The following KAZN variants were observed in gnomAD, a reference collection of about 807,000 sequenced individuals.
The protein encoded by KAZN is kazrin, periplakin interacting protein.
KAZN carries 40 observed loss-of-function variants against 87.4 expected under a neutral mutation model. That is an observed-to-expected ratio of 0.46 (90% CI 0.36 to 0.60). The LOEUF is 0.60. Ranked by LOEUF, KAZN falls within the 20% of genes least tolerant of loss-of-function variation. The probability of loss-of-function intolerance (pLI) is 0.00; values close to 1 mark genes in which losing one functional copy is unlikely to be tolerated. For synonymous variants in KAZN, 466 were observed against 458.3 expected, an observed-to-expected ratio of 1.02 and a Z score of -0.22; for missense variants, 898 against 1,073.9, an observed-to-expected ratio of 0.84 and a Z score of 2.29.
intron 1 of KAZN, among the ~76,000 whole-genome samples, chr1:13,904,852 TC>T (rs930805672): frequency 4.6e-5 from 7 of 152,198 alleles, no homozygotes; most frequent in African/African-American, 1.7e-4. Flanking sequence ...GAACACTGAT[TC>T]CCATTCTTTC....
chr1:14,697,555 TG>T (rs1420643690), intron 1 of KAZN, among the ~76,000 whole-genome samples: 4 of 152,208 alleles, frequency 2.6e-5, no homozygotes, highest in African/African-American at 9.6e-5. Context: ...TCCTCTCTCA[TG>T]GCTCTGTGAT....
chr1:14,449,523 T>G (rs1667153273), intron 2 of KAZN, among the ~76,000 whole-genome samples: 1 of 152,200 alleles, frequency 6.6e-6, no homozygotes, highest in Admixed American at 6.5e-5. Flanking sequence ...AATAGGAATA[T>G]TGTCCTAAAT....
At chr1:14,507,948 C>G (rs1341781592) in intron 2 of KAZN, among the ~76,000 whole-genome samples, 4 of 149,054 alleles carry the variant, frequency 2.7e-5, no homozygotes, top group Non-Finnish European at 4.4e-5. Context: ...GCCTGGGCAA[C>G]AGAGCGAGAC....
At chr1:14,750,616 C>A (rs977243059) in intron 1 of KAZN, among the ~76,000 whole-genome samples, 1 of 146,830 alleles carries the variant, frequency 6.8e-6, no homozygotes, top group South Asian at 2.2e-4. Context: ...AAAAAAAAGA[C>A]CTTTAAAACC....
intron 2 of KAZN, among the ~76,000 whole-genome samples, chr1:15,025,894 G>A (rs1392598965): frequency 2.0e-5 from 3 of 152,180 alleles, no homozygotes; most frequent in Non-Finnish European, 2.9e-5. Flanking sequence ...AGGCCAAGGC[G>A]GGCGGATCAC....
At chr1:14,779,573 G>A (rs768995530) in intron 1 of KAZN, among the ~76,000 whole-genome samples, 1 of 152,218 alleles carries the variant, frequency 6.6e-6, no homozygotes, top group Non-Finnish European at 1.5e-5. Flanking sequence ...CTAAACAAAT[G>A]AGATGTAGGT....
At chr1:14,869,149 C>T (rs887658363) in intron 1 of KAZN, among the ~76,000 whole-genome samples, 12 of 152,184 alleles carry the variant, frequency 7.9e-5, no homozygotes, top group Non-Finnish European at 1.2e-4. Flanking sequence ...AGGTTGGGAT[C>T]GAAGTTTAGT....
Position 14,311,749 on chromosome 1 carries a change from A to T in KAZN, c.249+131157A>T, listed in dbSNP as rs555378043. ...GGATGGATGGATGGATGGAAGGATGAATGGATAAATGGATGGGTGGATGGA... is the reference window on the plus strand; with the variant it reads ...GGATGGATGGATGGATGGAAGGATGTATGGATAAATGGATGGGTGGATGGA... On this transcript the variant is annotated intron_variant, in intron 2 of 16. Transcript: ENST00000636203. 3.9e-5 allele frequency among the ~76,000 whole-genome samples: 6 copies of T among 152,176 alleles called. No homozygotes were observed. The South Asian group carries it at 8.3e-4, about 21-fold the overall frequency.
At chr1:14,911,765 G>A (rs551708960) in intron 1 of KAZN, among the ~76,000 whole-genome samples, 3 of 152,324 alleles carry the variant, frequency 2.0e-5, no homozygotes, top group African/African-American at 7.2e-5. Context: ...GCAGCTGGGA[G>A]GAGTCTTGCT....
chr1:15,068,851 C>A (rs1639383487), intron 8 of KAZN, among the ~76,000 whole-genome samples: 1 of 152,002 alleles, frequency 6.6e-6, no homozygotes, highest in African/African-American at 2.4e-5. Flanking sequence ...GCTTTTAAGT[C>A]CCCTCCCACC....
intron 2 of KAZN, among the ~76,000 whole-genome samples, chr1:14,583,006 G>C (rs889915374): frequency 6.6e-6 from 1 of 152,160 alleles, no homozygotes; most frequent in African/African-American, 2.4e-5. Context: ...AAGCAGAGAG[G>C]TGAACATTTA....
chr1:13,965,439 T>C (rs1161195622), intron 1 of KAZN, among the ~76,000 whole-genome samples: 1 of 152,096 alleles, frequency 6.6e-6, no homozygotes, highest in East Asian at 1.9e-4. Flanking sequence ...TGTTCAACAA[T>C]GGAAAGTGGG....
intron 1 of KAZN, among the ~76,000 whole-genome samples, chr1:14,004,864 C>T (rs932941986): frequency 1.5e-4 from 23 of 151,958 alleles, no homozygotes; most frequent in South Asian, 4.2e-4. Flanking sequence ...TGGGTTATCA[C>T]GGGGGTGGGG....
At chr1:15,042,788 G>A (rs1301243524) in intron 3 of KAZN, among the ~76,000 whole-genome samples, 1 of 152,196 alleles carries the variant, frequency 6.6e-6, no homozygotes, top group Non-Finnish European at 1.5e-5. Flanking sequence ...GGCCTTCAGA[G>A]ACAGGTTTGT....
intron 1 of KAZN, among the ~76,000 whole-genome samples, chr1:14,613,033 G>A (rs755670732): frequency 5.3e-5 from 8 of 152,146 alleles, no homozygotes; most frequent in Admixed American, 1.3e-4. Flanking sequence ...CAGAACCCAG[G>A]TCTTTCTCCT....
intron 2 of KAZN, among the ~76,000 whole-genome samples, chr1:14,962,872 A>G (rs1192027485): frequency 2.6e-5 from 4 of 152,106 alleles, no homozygotes; most frequent in Non-Finnish European, 2.9e-5. Flanking sequence ...GCAGAGGCTC[A>G]CTTACACTAC....
rs187921764 is a variant in KAZN at position 14,485,621 on chromosome 1, G to C, written c.250-113362G>C. 9.9e-5 allele frequency among the ~76,000 whole-genome samples: 15 copies of C among 152,260 alleles called. No individual in the cohort carries two copies. The East Asian group carries it at 1.7e-3, about 18-fold the overall frequency. On this transcript the variant is annotated intron_variant, in intron 2 of 16. Coordinates refer to the KAZN transcript ENST00000636203. ...CAATTAAAAGTGGATCTGGACCTGC[G>C]TGGTGGCTCACACCTGTAATCCCAG...
At chr1:14,012,072 C>G (rs1028862527) in intron 1 of KAZN, among the ~76,000 whole-genome samples, 2 of 152,004 alleles carry the variant, frequency 1.3e-5, no homozygotes, top group Non-Finnish European at 2.9e-5. Context: ...TTCTCCACAC[C>G]CTACTCTTGC....
At chr1:14,014,180 G>A (rs778194337) in intron 1 of KAZN, among the ~76,000 whole-genome samples, 7 of 152,000 alleles carry the variant, frequency 4.6e-5, no homozygotes, top group Non-Finnish European at 1.0e-4. Context: ...TATCCGGGAG[G>A]AAGGCTTGGT....
Sources: allele counts gnomAD v4.1 joint callset (sites outside exome capture counted in the v4.1 genomes callset), GRCh38; gene constraint gnomAD v4.1.1; transcripts MANE v1.5; gene names NCBI Gene and HGNC (gene_info 2026-07-23, HGNC 2026-07-21).